Variants in SUMF1 observed in about 807,000 individuals in gnomAD.
The protein encoded by SUMF1 is formylglycine-generating enzyme.
Under a neutral mutation model 47.6 loss-of-function variants are expected in SUMF1, and 48 were observed. The observed-to-expected ratio is 1.01, with a 90% CI of 0.80 to 1.28. SUMF1 has a LOEUF of 1.28. SUMF1 is among the 50% of genes most tolerant of loss of function. The pLI, the probability that SUMF1 is intolerant of heterozygous loss-of-function variation, is 0.00. For missense variants in SUMF1, 571 were observed against 485.4 expected, an observed-to-expected ratio of 1.18 and a Z score of -1.66; for synonymous variants, 230 against 192.1, an observed-to-expected ratio of 1.20 and a Z score of -1.63.
Position 4,467,211 on chromosome 3 carries a change from C to A in SUMF1, c.35G>T (p.Arg12Leu). The part of the protein sequence containing the change: ...AAPALGLVCG[R>L]CPELGLVLLL... ...GAGGACGAGACCCAGCTCAGGGCAACGTCCACACACCAGCCCTAGTGCGGG... is the reference window on the plus strand; with the variant it reads ...GAGGACGAGACCCAGCTCAGGGCAAAGTCCACACACCAGCCCTAGTGCGGG... Residue 12 changes from arginine to leucine, a missense_variant, in exon 1 of 9, where the codon CGT becomes CTT. Arg to Leu is a moderately radical substitution (Grantham distance 102). Coordinates refer to ENST00000272902, the MANE Select transcript of SUMF1 (RefSeq NM_182760.4). 1.2e-6 allele frequency: 2 copies of A among 1,611,768 alleles called. No individual in the cohort carries two copies. The highest frequency in any genetic ancestry group is 2.2e-5 in the South Asian group (2 of 90,614).
chr3:4,409,049 A>T (rs1701460666), intron 7 of SUMF1, among the ~76,000 whole-genome samples: 3 of 152,180 alleles, frequency 2.0e-5, no homozygotes, highest in Admixed American at 2.0e-4. Context: ...GAAGGCATTA[A>T]AGGATTTTAA....
intron 3 of SUMF1, among the ~76,000 whole-genome samples, chr3:4,434,903 C>T (rs1702347318): frequency 6.6e-6 from 1 of 152,116 alleles, no homozygotes; most frequent in South Asian, 2.1e-4. Flanking sequence ...CAAGATGACC[C>T]AGAAGTTGGA....
intron 9 of SUMF1, among the ~76,000 whole-genome samples, chr3:4,065,282 A>G (rs1316033739): frequency 1.3e-5 from 2 of 152,088 alleles, no homozygotes; most frequent in Non-Finnish European, 2.9e-5. Flanking sequence ...GCTCATCTTG[A>G]TACCTATGCT....
chr3:4,366,855 CT>C (rs1454687510), intron 8 of SUMF1, among the ~76,000 whole-genome samples: 1 of 152,010 alleles, frequency 6.6e-6, no homozygotes, highest in African/African-American at 2.4e-5. Flanking sequence ...GTTTTATCTA[CT>C]TTTGGTGTTT....
At chr3:4,194,070 G>A (rs1271516814) in intron 8 of SUMF1, among the ~76,000 whole-genome samples, 1 of 152,080 alleles carries the variant, frequency 6.6e-6, no homozygotes, top group Non-Finnish European at 1.5e-5. Context: ...CTGTCCAATA[G>A]ATGACCACCA....
chr3:4,242,174 G>A (rs1187614498), intron 8 of SUMF1, among the ~76,000 whole-genome samples: 1 of 152,068 alleles, frequency 6.6e-6, no homozygotes, highest in Non-Finnish European at 1.5e-5. Context: ...GGAGATTTGG[G>A]GCCGAGAAGA....
rs142188366 is a variant in SUMF1, at chr3:4,046,028, G to A, written c.1191+22541C>T. On this transcript the variant is annotated intron_variant and NMD_transcript_variant, in intron 9 of 12. Transcript: ENST00000448413. Reference sequence around the variant, plus strand: ...ATTGCACCACTACTGTCCAACCTGGGGGACACAGCAAGAGCTTGTCTCTTA... The same window carrying A: ...ATTGCACCACTACTGTCCAACCTGGAGGACACAGCAAGAGCTTGTCTCTTA... 4.3e-4 allele frequency among the ~76,000 whole-genome samples: 65 copies of A among 152,162 alleles called. 1 individual carries two copies. Among genetic ancestry groups the A allele is most frequent in the African/African-American group, 1.4e-3 (58 of 41,488 alleles).
intron 1 of SUMF1, among the ~76,000 whole-genome samples, chr3:4,464,044 T>C (rs2125177090): frequency 6.6e-6 from 1 of 152,276 alleles, no homozygotes; most frequent in Non-Finnish European, 1.5e-5. Flanking sequence ...CCACACACAC[T>C]CATTGTATGA....
At chr3:4,350,186 T>C (rs1413396589) in intron 8 of SUMF1, among the ~76,000 whole-genome samples, 1 of 151,760 alleles carries the variant, frequency 6.6e-6, no homozygotes, top group Non-Finnish European at 1.5e-5. Flanking sequence ...TTTTTTTTAG[T>C]ATTAAAAAAT....
intron 8 of SUMF1, among the ~76,000 whole-genome samples, chr3:4,212,560 T>A (rs1326420844): frequency 6.6e-6 from 1 of 151,702 alleles, no homozygotes; most frequent in Non-Finnish European, 1.5e-5. Context: ...AGAGAATGAG[T>A]TTGATGAATT....
chr3:4,227,913 A>T (rs1696209457), intron 8 of SUMF1, among the ~76,000 whole-genome samples: 1 of 152,094 alleles, frequency 6.6e-6, no homozygotes, highest in East Asian at 1.9e-4. Context: ...GACCTAATTT[A>T]TATTTGAGTG....
intron 8 of SUMF1, among the ~76,000 whole-genome samples, chr3:4,138,053 C>T (rs1158709767): frequency 6.6e-6 from 1 of 151,804 alleles, no homozygotes; most frequent in Non-Finnish European, 1.5e-5. Flanking sequence ...AGAAAACTCC[C>T]CATTTATAAT....
chr3:4,284,658 G>A (rs1033597497), intron 8 of SUMF1, among the ~76,000 whole-genome samples: 1 of 151,912 alleles, frequency 6.6e-6, no homozygotes, highest in South Asian at 2.1e-4. Flanking sequence ...TCTTTAAGCT[G>A]GCTCTTCCTA....
intron 1 of SUMF1, among the ~76,000 whole-genome samples, chr3:4,459,212 A>G (rs1049381044): frequency 1.3e-5 from 2 of 152,254 alleles, no homozygotes; most frequent in African/African-American, 4.8e-5. Context: ...CACAAAAAAT[A>G]TAAGTATGTG....
intron 8 of SUMF1, among the ~76,000 whole-genome samples, chr3:4,176,916 C>A (rs187255811): frequency 7.8e-4 from 119 of 152,110 alleles, no homozygotes; most frequent in African/African-American, 2.8e-3. Context: ...AGACTTTAAA[C>A]CAACAAAGAT....
chr3:4,333,589 T>A (rs1364135989), intron 8 of SUMF1, among the ~76,000 whole-genome samples: 1 of 152,110 alleles, frequency 6.6e-6, no homozygotes, highest in Admixed American at 6.6e-5. Context: ...GCAAAAGCCA[T>A]GGGACAAGAC....
At chr3:4,259,470 G>A (rs1046395558) in intron 8 of SUMF1, among the ~76,000 whole-genome samples, 2 of 152,098 alleles carry the variant, frequency 1.3e-5, no homozygotes, top group African/African-American at 4.8e-5. Flanking sequence ...TCTCAAATGT[G>A]AATTATTTAC....
At chr3:4,313,926 T>A in intron 8 of SUMF1, 1 of 1,256,540 alleles carries the variant, frequency 8.0e-7, no homozygotes, top group Non-Finnish European at 1.1e-6. Flanking sequence ...ATTCTCCATT[T>A]AACAAAAGTA....
intron 8 of SUMF1, among the ~76,000 whole-genome samples, chr3:4,087,795 G>C (rs1401488505): frequency 6.6e-6 from 1 of 151,942 alleles, no homozygotes; most frequent in Non-Finnish European, 1.5e-5. Flanking sequence ...AAATTAGAAG[G>C]TCACCATATT....
Sources: allele counts gnomAD v4.1 joint callset (sites outside exome capture counted in the v4.1 genomes callset), GRCh38; gene constraint gnomAD v4.1.1; transcripts MANE v1.5; gene names NCBI Gene and HGNC (gene_info 2026-07-23, HGNC 2026-07-21).